Variants in EYS observed in about 807,000 individuals in gnomAD.
The protein encoded by EYS is protein eyes shut homolog.
A neutral mutation model predicts 282.1 loss-of-function variants in EYS; 250 were observed. That is an observed-to-expected ratio of 0.89 (90% confidence interval 0.80 to 0.98). The LOEUF is 0.98. EYS is among the 50% of genes least tolerant of loss of function. EYS has a pLI of 0.00. For missense variants in EYS, 4,016 were observed against 3,709.0 expected (o/e 1.08, Z -2.15); for synonymous variants, 1,355 against 1,282.9 (o/e 1.06, Z -1.20).
intron 41 of EYS, among the ~76,000 whole-genome samples, chr6:63,754,641 A>G (rs921946941): frequency 4.6e-5 from 7 of 152,182 alleles, no homozygotes; most frequent in African/African-American, 1.4e-4. Context: ...GAATAGTGCC[A>G]CAATAAACAT....
rs993549136 is a variant in EYS, at chr6:63,968,672, C to T, written c.7055+15711G>A. ...AAGGCAGAATATTTCAGAGGTTTCT[C>T]GAAACTCTAATAAAAGACTCTCCTG... On this transcript the variant is annotated intron_variant, in intron 35 of 42. Coordinates refer to ENST00000503581, the MANE Select transcript of EYS (RefSeq NM_001142800.2). Among the ~76,000 whole-genome samples the T allele has an allele frequency of 1.6e-4, 25 of 152,188 alleles. No homozygotes were observed. In the East Asian group the frequency reaches 2.7e-3, roughly 16 times the overall value.
intron 31 of EYS, among the ~76,000 whole-genome samples, chr6:64,182,411 C>T (rs1435487124): frequency 6.6e-6 from 1 of 152,060 alleles, no homozygotes; most frequent in African/African-American, 2.4e-5. Context: ...GTCTGTGTTC[C>T]TCTGGGAGGC....
intron 30 of EYS, among the ~76,000 whole-genome samples, chr6:64,291,328 T>C (rs1275787107): frequency 1.3e-5 from 2 of 152,086 alleles, no homozygotes; most frequent in African/African-American, 2.4e-5. Flanking sequence ...TAATAAAATA[T>C]GTAACCTCAA....
chr6:63,792,203 G>T (rs962974455), intron 37 of EYS, among the ~76,000 whole-genome samples: 1 of 151,578 alleles, frequency 6.6e-6, no homozygotes, highest in African/African-American at 2.4e-5. Flanking sequence ...CCAAGAGGAG[G>T]GGATAAGGAG....
rs1562021158 is a variant in EYS, at chr6:65,204,904, T to TATTTATATATTCTGGAAGAAC, written c.2023+90958_2023+90959insGTTCTTCCAGAATATATAAAT. 2.9e-3 allele frequency among the ~76,000 whole-genome samples: 272 copies of TATTTATATATTCTGGAAGAAC among 95,200 alleles called. 40 individuals carry two copies. The highest frequency in any genetic ancestry group is 0.01 in the African/African-American group (246 of 24,098). 62.5% of individuals were successfully genotyped at this position (95,200 alleles called of 152,430 possible). A position where few individuals can be genotyped will look rare whatever the true frequency, so the allele number is the denominator to read the frequency against. Reference sequence around the variant, plus strand: ...AACGTATTTATATATTCTGGAAGAATGTATTTATATATTCTTTATATATTC... The same window carrying TATTTATATATTCTGGAAGAAC: ...AACGTATTTATATATTCTGGAAGAATATTTATATATTCTGGAAGAACGTATTTATATATTCTTTATATATTC... On this transcript the variant is annotated intron_variant, in intron 12 of 42. Coordinates refer to ENST00000503581, the MANE Select transcript of EYS (RefSeq NM_001142800.2).
At chr6:64,359,225 G>A (rs1370919388) in intron 29 of EYS, among the ~76,000 whole-genome samples, 1 of 151,568 alleles carries the variant, frequency 6.6e-6, no homozygotes, top group African/African-American at 2.4e-5. Context: ...GATAATATAA[G>A]ATTTAAAATG....
chr6:65,118,075 G>C (rs911065987), intron 12 of EYS, among the ~76,000 whole-genome samples: 2 of 152,180 alleles, frequency 1.3e-5, no homozygotes, highest in African/African-American at 2.4e-5. Context: ...GAGTCAGAAG[G>C]CTGGGAAGGT....
chr6:64,441,901 A>T (rs966353907), intron 26 of EYS, among the ~76,000 whole-genome samples: 11 of 152,154 alleles, frequency 7.2e-5, no homozygotes, highest in African/African-American at 2.7e-4. Context: ...GTATGTTTTT[A>T]TCAGCAGCAT....
chr6:65,374,567 T>C (rs1413068887), intron 8 of EYS, among the ~76,000 whole-genome samples: 2 of 149,770 alleles, frequency 1.3e-5, no homozygotes, highest in Admixed American at 6.7e-5. Flanking sequence ...TTTACTCCCC[T>C]GGAAAGTGGG....
rs1478374263 is a variant in EYS, at chr6:65,692,768, T to C, written c.-448+14367A>G. 2.0e-5 allele frequency among the ~76,000 whole-genome samples: 3 copies of C among 150,152 alleles called. 1 individual carries two copies. Among genetic ancestry groups the C allele is most frequent in the African/African-American group, 7.3e-5 (3 of 41,254 alleles). ...GAAAGTCATTCTTTAAAATATGTTT[T>C]CAAATTGCTACAATTTTAAAAAAAG... On this transcript the variant is annotated intron_variant, in intron 1 of 42. Coordinates refer to ENST00000503581, the MANE Select transcript of EYS (RefSeq NM_001142800.2).
intron 31 of EYS, among the ~76,000 whole-genome samples, chr6:64,154,461 A>G (rs2150296708): frequency 6.7e-6 from 1 of 150,064 alleles, no homozygotes; most frequent in African/African-American, 2.5e-5. Flanking sequence ...AAAAAAAAAA[A>G]AAATGCCTCA....
At chr6:63,845,896 G>T (rs1341212981) in intron 36 of EYS, among the ~76,000 whole-genome samples, 1 of 152,192 alleles carries the variant, frequency 6.6e-6, no homozygotes, top group Non-Finnish European at 1.5e-5. Context: ...ATATGTGGGA[G>T]AAATAGCTGT....
chr6:65,069,234 A>G (rs1773837547), intron 12 of EYS, among the ~76,000 whole-genome samples: 1 of 152,026 alleles, frequency 6.6e-6, no homozygotes, highest in South Asian at 2.1e-4. Context: ...ATTTAAAACT[A>G]TTCTAGCCTT....
chr6:64,000,495 C>T (rs1277580201), intron 33 of EYS, among the ~76,000 whole-genome samples: 6 of 151,708 alleles, frequency 4.0e-5, no homozygotes, highest in East Asian at 3.9e-4. Context: ...CCACCGAGCC[C>T]GGCAGGACTT....
At chr6:65,687,960 A>G (rs1289920187) in intron 1 of EYS, among the ~76,000 whole-genome samples, 1 of 152,242 alleles carries the variant, frequency 6.6e-6, no homozygotes, top group Non-Finnish European at 1.5e-5. Flanking sequence ...AGAACATTCC[A>G]TGCTCATGAG....
intron 35 of EYS, among the ~76,000 whole-genome samples, chr6:63,962,058 G>C (rs534096923): frequency 6.6e-6 from 1 of 152,278 alleles, no homozygotes; most frequent in African/African-American, 2.4e-5. Context: ...CTAGCCATAT[G>C]TAGAAATCTG....
At chr6:65,290,569 T>C (rs1768496813) in intron 12 of EYS, among the ~76,000 whole-genome samples, 1 of 151,278 alleles carries the variant, frequency 6.6e-6, no homozygotes, top group African/African-American at 2.4e-5. Context: ...TTTAAAATGT[T>C]TGCAACCATT....
intron 1 of EYS, among the ~76,000 whole-genome samples, chr6:65,682,388 T>G (rs1314156870): frequency 6.6e-6 from 1 of 151,954 alleles, no homozygotes. Context: ...AAAGGAAACC[T>G]TATCTGTATC....
At chr6:65,514,273 C>T (rs1391862410) in intron 2 of EYS, among the ~76,000 whole-genome samples, 1 of 152,012 alleles carries the variant, frequency 6.6e-6, no homozygotes, top group Non-Finnish European at 1.5e-5. Flanking sequence ...CAAACCACTG[C>T]TCAATGAAAT....
Sources: allele counts gnomAD v4.1 joint callset (sites outside exome capture counted in the v4.1 genomes callset), GRCh38; gene constraint gnomAD v4.1.1; transcripts MANE v1.5; gene names NCBI Gene and HGNC (gene_info 2026-07-23, HGNC 2026-07-21).